The following KAZN variants were observed in gnomAD, a reference collection of about 807,000 sequenced individuals.
KAZN encodes kazrin, periplakin interacting protein.
A neutral mutation model predicts 87.4 loss-of-function variants in KAZN; 40 were observed. That is an observed-to-expected ratio of 0.46 (90% confidence interval 0.36 to 0.60). KAZN has a LOEUF of 0.60. Among genes scored for constraint, KAZN ranks in the 20% least tolerant of loss-of-function variants. The probability of loss-of-function intolerance (pLI) is 0.00; values close to 1 mark genes in which losing one functional copy is unlikely to be tolerated. For missense variants in KAZN, 898 were observed against 1,073.9 expected, an observed-to-expected ratio of 0.84 and a Z score of 2.29; for synonymous variants, 466 against 458.3, an observed-to-expected ratio of 1.02 and a Z score of -0.22.
At chr1:14,217,812 T>A (rs1008290345) in intron 2 of KAZN, among the ~76,000 whole-genome samples, 1 of 152,090 alleles carries the variant, frequency 6.6e-6, no homozygotes, top group Non-Finnish European at 1.5e-5. Flanking sequence ...ATCAAATCAC[T>A]TATAATAGAC....
Position 14,871,814 on chromosome 1 carries a change from A to G in KAZN, c.227-88870A>G, listed in dbSNP as rs572313967. 3.3e-3 allele frequency among the ~76,000 whole-genome samples: 508 copies of G among 152,174 alleles called. 2 individuals are homozygous for G. Among genetic ancestry groups the G allele is most frequent in the Non-Finnish European group, 6.4e-3 (435 of 68,006 alleles). ...GGCTCACATGCTGACCCTTGGAATCAGAGTGGGGTCAGCCCCACGTGAGTC... is the reference window on the plus strand; with the variant it reads ...GGCTCACATGCTGACCCTTGGAATCGGAGTGGGGTCAGCCCCACGTGAGTC... On this transcript the variant is annotated intron_variant, in intron 1 of 14. Transcript: ENST00000376030.
chr1:14,251,919 G>C (rs1455422493), intron 2 of KAZN, among the ~76,000 whole-genome samples: 2 of 151,998 alleles, frequency 1.3e-5, no homozygotes, highest in Non-Finnish European at 2.9e-5. Flanking sequence ...AAAGTGCTGG[G>C]ATTACAGGTG....
At chr1:14,510,310 G>C (rs963052485) in intron 2 of KAZN, among the ~76,000 whole-genome samples, 2 of 151,818 alleles carry the variant, frequency 1.3e-5, no homozygotes, top group Non-Finnish European at 2.9e-5. Flanking sequence ...CCCAGGGGGT[G>C]GAGGTTGCAG....
At chr1:13,910,943 T>A (rs1639631818) in intron 1 of KAZN, among the ~76,000 whole-genome samples, 1 of 151,936 alleles carries the variant, frequency 6.6e-6, no homozygotes, top group Admixed American at 6.6e-5. Context: ...TTCTGGGAAG[T>A]CCCAGAAAGC....
intron 1 of KAZN, among the ~76,000 whole-genome samples, chr1:14,823,510 G>C (rs1646796784): frequency 6.6e-6 from 1 of 152,128 alleles, no homozygotes; most frequent in African/African-American, 2.4e-5. Flanking sequence ...GGTCGCTTTG[G>C]TTGTCACCAG....
rs1644901584 is a variant in KAZN, at chr1:14,766,993, C to T, written c.226+167770C>T. On this transcript the variant is annotated intron_variant, in intron 1 of 14. Coordinates refer to ENST00000376030, the MANE Select transcript of KAZN (RefSeq NM_201628.3). ...ACCAAATCAATGGTGGGGAGTGGGA[C>T]GAGATGGATGTCAGAGAAGGCTTCT... Among the ~76,000 whole-genome samples, 4 of 151,942 alleles carry T rather than the reference C, an allele frequency of 2.6e-5. No individual in the cohort carries two copies. The South Asian group carries it at 6.2e-4, about 24-fold the overall frequency.
At chr1:15,087,366 C>G in intron 8 of KAZN, among the ~76,000 whole-genome samples, 1 of 151,264 alleles carries the variant, frequency 6.6e-6, no homozygotes, top group East Asian at 1.9e-4. Context: ...TCTTCAAACT[C>G]CAGTATGTGT....
At chr1:14,414,199 T>C (rs757528988) in intron 2 of KAZN, among the ~76,000 whole-genome samples, 3 of 152,220 alleles carry the variant, frequency 2.0e-5, no homozygotes, top group Admixed American at 2.0e-4. Context: ...TACAGCGGAA[T>C]TTGGCAATAT....
rs746901371 is a variant in KAZN, at chr1:14,996,794, C to T, written c.418+35919C>T. On this transcript the variant is annotated intron_variant, in intron 2 of 14. Coordinates refer to ENST00000376030, the MANE Select transcript of KAZN (RefSeq NM_201628.3). The surrounding 1 kb of genome is among the most constrained non-coding windows in gnomAD (Gnocchi z 5.9). Reference sequence around the variant, plus strand: ...ACTTGCAGGAAGACACACCACGGAGCCTCCCCGCTCCTGGTGCTCCAGGGC... The same window carrying T: ...ACTTGCAGGAAGACACACCACGGAGTCTCCCCGCTCCTGGTGCTCCAGGGC... Among the ~76,000 whole-genome samples, 1 of 152,214 alleles carries T rather than the reference C, an allele frequency of 6.6e-6. No individual in the cohort carries two copies. Among genetic ancestry groups the T allele is most frequent in the South Asian group, 2.1e-4 (1 of 4,830 alleles).
intron 1 of KAZN, among the ~76,000 whole-genome samples, chr1:14,951,500 A>G (rs1662478211): frequency 1.3e-5 from 2 of 151,152 alleles, no homozygotes; most frequent in African/African-American, 4.9e-5. Flanking sequence ...TATTTTAGAC[A>G]TAGCCTCGCT....
intron 2 of KAZN, among the ~76,000 whole-genome samples, chr1:14,270,720 C>T (rs898062849): frequency 6.6e-6 from 1 of 152,154 alleles, no homozygotes; most frequent in South Asian, 2.1e-4. Context: ...TTTCAATGAG[C>T]TTATTAACTC....
intron 1 of KAZN, among the ~76,000 whole-genome samples, chr1:14,877,823 C>A (rs1261458543): frequency 6.6e-6 from 1 of 152,168 alleles, no homozygotes; most frequent in Non-Finnish European, 1.5e-5. Flanking sequence ...CTGTTGTTAT[C>A]TGATATTCAC....
At chr1:14,630,130 G>A (rs1679456159) in intron 1 of KAZN, among the ~76,000 whole-genome samples, 1 of 152,120 alleles carries the variant, frequency 6.6e-6, no homozygotes, top group South Asian at 2.1e-4. Context: ...CTCTATAGAG[G>A]GAATAATGGC....
At chr1:14,167,794 G>T (rs909653607) in intron 1 of KAZN, among the ~76,000 whole-genome samples, 4 of 152,146 alleles carry the variant, frequency 2.6e-5, no homozygotes, top group Non-Finnish European at 5.9e-5. Flanking sequence ...AGGGCAGGGA[G>T]CAAGGAAGTA....
chr1:14,269,417 A>G (rs961708905), intron 2 of KAZN, among the ~76,000 whole-genome samples: 1 of 152,184 alleles, frequency 6.6e-6, no homozygotes, highest in Non-Finnish European at 1.5e-5. Flanking sequence ...ATATATCTTA[A>G]TATTTTTCAA....
chr1:14,922,589 C>T (rs1276955989), intron 1 of KAZN, among the ~76,000 whole-genome samples: 1 of 151,982 alleles, frequency 6.6e-6, no homozygotes, highest in Non-Finnish European at 1.5e-5. Context: ...ATCAGGAGTT[C>T]GAGACCAGCC....
intron 1 of KAZN, among the ~76,000 whole-genome samples, chr1:13,997,434 G>C (rs547232740): frequency 2.6e-4 from 39 of 152,056 alleles, no homozygotes; most frequent in Admixed American, 1.3e-3. Context: ...AGCTACGGGG[G>C]CATATTCTAA....
At chr1:13,983,192 G>T (rs942636878) in intron 1 of KAZN, among the ~76,000 whole-genome samples, 1 of 152,250 alleles carries the variant, frequency 6.6e-6, no homozygotes, top group Non-Finnish European at 1.5e-5. Flanking sequence ...TGGTCGATGG[G>T]ACTGGGTGCC....
At chr1:14,883,419 G>GAA (rs1314708323) in intron 1 of KAZN, among the ~76,000 whole-genome samples, 2 of 149,286 alleles carry the variant, frequency 1.3e-5, no homozygotes, top group Middle Eastern at 3.4e-3. Flanking sequence ...AAGAAAGAAA[G>GAA]AAAGAAAAGC....
Sources: gnomAD v4.1 joint callset for allele counts (sites outside exome capture counted in the v4.1 genomes callset) on GRCh38, gnomAD v4.1.1 for gene constraint, Gnocchi (gnomAD v3.1) non-coding constraint, MANE v1.5 for transcripts, NCBI Gene and HGNC (gene_info 2026-07-23, HGNC 2026-07-21) for gene names.